The following RARB variants were observed in gnomAD, a reference collection of about 807,000 sequenced individuals.
RARB encodes HBV-activated protein.
A neutral mutation model predicts 51.9 loss-of-function variants in RARB; 17 were observed. The ratio of observed to expected loss-of-function variants is 0.33; its 90% CI spans 0.22 to 0.49. RARB has a LOEUF of 0.49. Ranked by LOEUF, RARB falls within the 20% of genes least tolerant of loss-of-function variation. RARB has a pLI of 0.99. For missense variants in RARB, 369 were observed against 550.8 expected (o/e 0.67, Z 3.30); for synonymous variants, 215 against 195.4 (o/e 1.10, Z -0.84).
At chr3:25,475,145 G>T (rs571403809) in intron 2 of RARB, among the ~76,000 whole-genome samples, 1 of 152,276 alleles carries the variant, frequency 6.6e-6, no homozygotes, top group South Asian at 2.1e-4. Context: ...TGATATCCCA[G>T]ACTTTGGTGG....
At chr3:24,932,807 T>C (rs1695468826) in intron 2 of RARB, among the ~76,000 whole-genome samples, 2 of 152,152 alleles carry the variant, frequency 1.3e-5, no homozygotes, top group African/African-American at 2.4e-5. Context: ...TTACTTTTGT[T>C]GAGAAAACTA....
chr3:25,361,531 G>T (rs1359270503), intron 5 of RARB, among the ~76,000 whole-genome samples: 1 of 152,184 alleles, frequency 6.6e-6, no homozygotes, highest in Non-Finnish European at 1.5e-5. Context: ...TTGCTGCCAA[G>T]GAGTTGTGAT....
intron 2 of RARB, among the ~76,000 whole-genome samples, chr3:25,012,111 C>G (rs1438676343): frequency 1.3e-5 from 2 of 152,044 alleles, no homozygotes; most frequent in African/African-American, 4.8e-5. Context: ...TCATTTCAGA[C>G]ATGGACAGAT....
chr3:25,001,732 A>G (rs77005625), intron 2 of RARB, among the ~76,000 whole-genome samples: 2,555 of 152,304 alleles, frequency 0.017, 55 homozygotes, highest in East Asian at 0.055. Context: ...TGCTAAATGC[A>G]ACTCATTTGC....
At chr3:24,833,370 G>A (rs1440348181) in intron 1 of RARB, 1 of 152,120 alleles carries the variant, frequency 6.6e-6, no homozygotes, top group Non-Finnish European at 1.5e-5. Flanking sequence ...ACCAACACTA[G>A]GGCTATATTC....
intron 2 of RARB, among the ~76,000 whole-genome samples, chr3:25,479,080 C>G (rs760422772): frequency 1.3e-5 from 2 of 152,020 alleles, no homozygotes; most frequent in Non-Finnish European, 2.9e-5. Context: ...AGAAAGAGCA[C>G]TTGAAACAGG....
intron 5 of RARB, among the ~76,000 whole-genome samples, chr3:25,301,018 T>G (rs1197803784): frequency 6.6e-6 from 1 of 152,160 alleles, no homozygotes; most frequent in South Asian, 2.1e-4. Flanking sequence ...CTCTGATTTA[T>G]AATGGTTCAA....
intron 3 of RARB, among the ~76,000 whole-genome samples, chr3:25,526,238 G>A (rs1698640811): frequency 6.6e-6 from 1 of 152,180 alleles, no homozygotes; most frequent in Non-Finnish European, 1.5e-5. Flanking sequence ...AGACTGCTGG[G>A]GCTGGAATAT....
intron 2 of RARB, among the ~76,000 whole-genome samples, chr3:25,492,445 C>T (rs779424990): frequency 6.6e-6 from 1 of 152,194 alleles, no homozygotes; most frequent in Non-Finnish European, 1.5e-5. Flanking sequence ...CTTCCTGGGA[C>T]ATCATAGACT....
intron 3 of RARB, among the ~76,000 whole-genome samples, chr3:25,509,332 C>T (rs775487488): frequency 7.9e-5 from 12 of 152,158 alleles, no homozygotes; most frequent in Non-Finnish European, 1.5e-4. Flanking sequence ...TAGTAAGTGC[C>T]GAATGAGAGT....
chr3:24,858,914 G>A (rs1369143583), intron 2 of RARB, among the ~76,000 whole-genome samples: 1 of 151,812 alleles, frequency 6.6e-6, no homozygotes, highest in Non-Finnish European at 1.5e-5. Flanking sequence ...GCACTTGCCT[G>A]TAGTCCCAGC....
At chr3:25,270,959 T>C (rs1055501396) in intron 5 of RARB, among the ~76,000 whole-genome samples, 33 of 152,376 alleles carry the variant, frequency 2.2e-4, no homozygotes, top group African/African-American at 7.5e-4. Context: ...CATTTATTCC[T>C]GTGTTCTCTC....
In RARB at chr3:24,946,590, C is replaced by T. The variant is rs1045998414; in HGVS notation, c.-380+87838C>T. 1.1e-4 allele frequency among the ~76,000 whole-genome samples: 16 copies of T among 152,054 alleles called. No homozygotes were observed. In the East Asian group the frequency reaches 1.8e-3, roughly 17 times the overall value. ...TACATTAATATTAGCAAGGCTTGGT[C>T]GGGTGTGGTGGCTCACATAGGTAAT... On this transcript the variant is annotated intron_variant, in intron 2 of 11. Coordinates refer to the RARB transcript ENST00000383772.
chr3:25,504,651 C>A (rs1559439220), intron 3 of RARB, among the ~76,000 whole-genome samples: 1 of 151,962 alleles, frequency 6.6e-6, no homozygotes, highest in Non-Finnish European at 1.5e-5. Flanking sequence ...GTTCCCAAGG[C>A]ACTCTTCTTT....
chr3:24,962,749 C>T (rs1166441335), intron 2 of RARB, among the ~76,000 whole-genome samples: 1 of 152,278 alleles, frequency 6.6e-6, no homozygotes, highest in Middle Eastern at 3.4e-3. Context: ...CCTAAATCCA[C>T]GAAAGCAGTC....
At chr3:25,264,696 C>G (rs951136228) in intron 5 of RARB, among the ~76,000 whole-genome samples, 1 of 152,040 alleles carries the variant, frequency 6.6e-6, no homozygotes, top group African/African-American at 2.4e-5. Context: ...TAAACTCTTA[C>G]CCATAAGAAT....
upstream of RARB, among the ~76,000 whole-genome samples, chr3:25,423,517 C>A (rs922939): frequency 0.64 from 97,280 of 152,048 alleles, 31,414 homozygotes; most frequent in East Asian, 0.8. Flanking sequence ...AGCACCCCCC[C>A]ACACAATCCC....
chr3:25,524,779 G>T (rs1189865966), intron 3 of RARB, among the ~76,000 whole-genome samples: 1 of 151,642 alleles, frequency 6.6e-6, no homozygotes, highest in African/African-American at 2.4e-5. Context: ...ACCCAGGCTG[G>T]AGTGCAGAGG....
At chr3:25,538,046 G>A (rs900204152) in intron 3 of RARB, among the ~76,000 whole-genome samples, 2 of 152,244 alleles carry the variant, frequency 1.3e-5, no homozygotes, top group South Asian at 2.1e-4. Flanking sequence ...GGGCTTCCAA[G>A]TAATCAGTTA....
Sources: gnomAD v4.1 joint callset for allele counts (sites outside exome capture counted in the v4.1 genomes callset) on GRCh38, gnomAD v4.1.1 for gene constraint, MANE v1.5 for transcripts, NCBI Gene and HGNC (gene_info 2026-07-23, HGNC 2026-07-21) for gene names.